The following RBFOX1 variants were observed in gnomAD, a reference collection of about 807,000 sequenced individuals.
RBFOX1 encodes the protein RNA binding protein fox-1 homolog 1.
A neutral mutation model predicts 57.7 loss-of-function variants in RBFOX1; 8 were observed. The observed-to-expected ratio is 0.14, with a 90% CI of 0.08 to 0.25. RBFOX1 has a LOEUF of 0.25. RBFOX1 is among the 10% of genes least tolerant of loss of function. The pLI is 1.00. For synonymous variants in RBFOX1, 326 were observed against 222.4 expected (o/e 1.47, Z -4.15); for missense variants, 611 against 548.5 (o/e 1.11, Z -1.14).
At chr16:7,622,853 A>C (rs557846047) in intron 10 of RBFOX1, among the ~76,000 whole-genome samples, 2 of 152,334 alleles carry the variant, frequency 1.3e-5, no homozygotes, top group South Asian at 2.1e-4. Context: ...ATAACCCTTC[A>C]GAGAAGCTCA....
At chr16:6,484,875 C>T (rs60532776) in intron 2 of RBFOX1, among the ~76,000 whole-genome samples, 1 of 152,154 alleles carries the variant, frequency 6.6e-6, no homozygotes, top group Non-Finnish European at 1.5e-5. Flanking sequence ...TTTGGTTACA[C>T]AGAAATGAAT....
intron 2 of RBFOX1, among the ~76,000 whole-genome samples, chr16:5,533,136 G>A (rs1291115241): frequency 6.6e-6 from 1 of 152,156 alleles, no homozygotes; most frequent in Non-Finnish European, 1.5e-5. Context: ...CATAACAGGT[G>A]GGAGAAGGAA....
intron 4 of RBFOX1, among the ~76,000 whole-genome samples, chr16:7,483,108 T>G (rs547760904): frequency 6.6e-6 from 1 of 152,272 alleles, no homozygotes; most frequent in African/African-American, 2.4e-5. Context: ...TTCCTCAAGT[T>G]AGAAGAACTG....
At chr16:6,140,187 C>CTTTTTTTTT (rs5815288) in intron 1 of RBFOX1, among the ~76,000 whole-genome samples, 1 of 137,294 alleles carries the variant, frequency 7.3e-6, no homozygotes, top group African/African-American at 2.7e-5. Context: ...CTGGAAATGA[C>CTTTTTTTTT]TTTTTTTTTT....
intron 4 of RBFOX1, among the ~76,000 whole-genome samples, chr16:7,517,524 G>T (rs926599041): frequency 1.5e-5 from 2 of 135,270 alleles, no homozygotes; most frequent in Non-Finnish European, 3.1e-5. Context: ...TGGCACTGGG[G>T]ACATCATACA....
chr16:6,425,020 G>A (rs1259798568), intron 2 of RBFOX1, among the ~76,000 whole-genome samples: 2 of 152,154 alleles, frequency 1.3e-5, no homozygotes, highest in Admixed American at 6.6e-5. Context: ...TTGAAGATGT[G>A]GATGAACTAA....
intron 1 of RBFOX1, among the ~76,000 whole-genome samples, chr16:6,058,341 C>A (rs2095640300): frequency 6.6e-6 from 1 of 151,838 alleles, no homozygotes; most frequent in South Asian, 2.1e-4. Context: ...TCCCTCCTCT[C>A]CTTCCTCCCT....
chr16:7,507,202 C>A (rs982788979), intron 4 of RBFOX1, among the ~76,000 whole-genome samples: 2 of 152,164 alleles, frequency 1.3e-5, no homozygotes, highest in Non-Finnish European at 2.9e-5. Flanking sequence ...CCTGGCCTAT[C>A]ATAGTGTTTT....
chr16:6,204,187 C>A (rs1238657671), intron 1 of RBFOX1, among the ~76,000 whole-genome samples: 1 of 152,158 alleles, frequency 6.6e-6, no homozygotes, highest in East Asian at 1.9e-4. Context: ...CCCCTACCCT[C>A]ACCTCATCTT....
chr16:5,523,546 G>A (rs1396516682), intron 2 of RBFOX1, among the ~76,000 whole-genome samples: 1 of 152,180 alleles, frequency 6.6e-6, no homozygotes, highest in Non-Finnish European at 1.5e-5. Context: ...AGCCCAGGAT[G>A]GTTGAGACTG....
chr16:6,487,669 T>C (rs1489742471), intron 2 of RBFOX1, among the ~76,000 whole-genome samples: 6 of 50,846 alleles, frequency 1.2e-4, no homozygotes, highest in Admixed American at 5.2e-4. Flanking sequence ...GGCAGTGATA[T>C]ATGTAAAAAA....
intron 4 of RBFOX1, among the ~76,000 whole-genome samples, chr16:7,236,695 T>A (rs1389077828): frequency 6.6e-6 from 1 of 151,262 alleles, no homozygotes; most frequent in Non-Finnish European, 1.5e-5. Flanking sequence ...TACTTTTTCT[T>A]TTTTTTTTAA....
chr16:6,445,962 T>A (rs75111837), intron 2 of RBFOX1, among the ~76,000 whole-genome samples: 53 of 105,620 alleles, frequency 5.0e-4, no homozygotes, highest in East Asian at 1.7e-3. Context: ...TTCACTTTTT[T>A]AAATTTTTTT....
In RBFOX1 at chr16:5,578,202, G is replaced by A. The variant is rs112837752; in HGVS notation, c.259-20700G>A. Among the ~76,000 whole-genome samples the A allele has an allele frequency of 3.3e-3, 503 of 152,170 alleles. 3 individuals carry two copies. Among genetic ancestry groups the A allele is most frequent in the African/African-American group, 0.011 (469 of 41,506 alleles). Reference sequence around the variant, plus strand: ...CTTGACCTCGTGATCCACCCACCTCGGCCTCCCAGAGTGCTGGGATTACAG... The same window carrying A: ...CTTGACCTCGTGATCCACCCACCTCAGCCTCCCAGAGTGCTGGGATTACAG... On this transcript the variant is annotated intron_variant, in intron 2 of 2. Coordinates refer to the RBFOX1 transcript ENST00000585867.
chr16:7,115,583 A>G (rs7199882), intron 4 of RBFOX1, among the ~76,000 whole-genome samples: 22,091 of 152,116 alleles, frequency 0.15, 2,966 homozygotes, highest in African/African-American at 0.35. Context: ...GCAGGCTGGA[A>G]GTTTGCTGCC....
At chr16:5,559,046 C>G (rs545016489) in intron 2 of RBFOX1, among the ~76,000 whole-genome samples, 8 of 151,348 alleles carry the variant, frequency 5.3e-5, no homozygotes, top group Non-Finnish European at 1.0e-4. Context: ...CACGTGGGTA[C>G]AGAGCTGGGC....
chr16:5,249,632 C>G (rs1438993746), intron 1 of RBFOX1, among the ~76,000 whole-genome samples: 2 of 152,152 alleles, frequency 1.3e-5, no homozygotes, highest in African/African-American at 4.8e-5. Flanking sequence ...TTTTGTTCTG[C>G]TTATTAAAAA....
intron 3 of RBFOX1, among the ~76,000 whole-genome samples, chr16:6,824,984 T>G (rs1239317718): frequency 6.8e-5 from 2 of 29,308 alleles, no homozygotes; most frequent in African/African-American, 4.2e-4. Context: ...TCTTTCTTGG[T>G]TTTTTTTTTT....
At chr16:7,017,621 C>T (rs1357090887) in intron 3 of RBFOX1, among the ~76,000 whole-genome samples, 5 of 152,132 alleles carry the variant, frequency 3.3e-5, no homozygotes, top group Admixed American at 3.3e-4. Flanking sequence ...ATTGTGGCCT[C>T]AGGTTGAAAT....
Sources: allele counts gnomAD v4.1 joint callset (sites outside exome capture counted in the v4.1 genomes callset), GRCh38; gene constraint gnomAD v4.1.1; transcripts MANE v1.5; gene names NCBI Gene and HGNC (gene_info 2026-07-23, HGNC 2026-07-21).